SATL1: variants seen among roughly 807,000 people sequenced by gnomAD.
SATL1 encodes spermidine/spermine N1-acetyl transferase like 1, also known as spermidine/spermine N(1)-acetyltransferase-like protein 1.
Under a neutral mutation model 51.8 loss-of-function variants are expected in SATL1, and 47 were observed. That is an observed-to-expected ratio of 0.91 (90% CI 0.72 to 1.16). The LOEUF (loss-of-function observed/expected upper bound fraction) is 1.16, where lower values mean the gene tolerates loss of function less well. Ranked by LOEUF, SATL1 falls within the 50% of genes most tolerant of loss-of-function variation. The probability of loss-of-function intolerance (pLI) is 0.00; values close to 1 mark genes in which losing one functional copy is unlikely to be tolerated. For synonymous variants in SATL1, 176 were observed against 182.4 expected (o/e 0.97, Z 0.28); for missense variants, 520 against 526.4 (o/e 0.99, Z 0.12).
chrX:85,122,908 G>T (rs1332317487), intron 2 of SATL1, among the ~76,000 whole-genome samples: 1 of 111,707 alleles, frequency 9.0e-6, no homozygotes. Context: ...AGAACATGAG[G>T]TATTTGGTTT....
intron 2 of SATL1, among the ~76,000 whole-genome samples, chrX:85,223,776 A>G (rs1409136566): frequency 9.0e-6 from 1 of 111,691 alleles, no homozygotes; most frequent in Non-Finnish European, 1.9e-5. Context: ...TACAGGCAGG[A>G]GCTTTCCACA....
chrX:85,210,970 A>G (rs1434558607), intron 2 of SATL1: 1 of 111,166 alleles, frequency 9.0e-6, no homozygotes, highest in Admixed American at 9.6e-5. Context: ...CTTAACCTCT[A>G]TCTTACCCTT....
At chrX:85,126,627 A>AT (rs1430339503) in intron 2 of SATL1, among the ~76,000 whole-genome samples, 2 of 111,259 alleles carry the variant, frequency 1.8e-5, no homozygotes, top group African/African-American at 6.5e-5. Context: ...CCACTTTAGT[A>AT]TTTTTTGTAT....
At chrX:85,237,396 C>G (rs1041626696) in intron 1 of SATL1, among the ~76,000 whole-genome samples, 4 of 110,919 alleles carry the variant, frequency 3.6e-5, no homozygotes, top group African/African-American at 1.3e-4. Flanking sequence ...GAATGAATAT[C>G]CAGAAACAAA....
chrX:85,209,344 G>C (rs918219061), intron 2 of SATL1: 3 of 111,818 alleles, frequency 2.7e-5, no homozygotes, highest in Admixed American at 9.5e-5. Context: ...GCTTAGGATT[G>C]TCTTGGCAAT....
chrX:85,204,389 G>A (rs754639125), intron 2 of SATL1, among the ~76,000 whole-genome samples: 23 of 112,090 alleles, frequency 2.1e-4, no homozygotes, highest in Non-Finnish European at 4.1e-4. Flanking sequence ...CTTCTAGTCA[G>A]CCATCTTGGC....
At chrX:85,147,321 C>A (rs946830955) in intron 2 of SATL1, among the ~76,000 whole-genome samples, 2 of 112,363 alleles carry the variant, frequency 1.8e-5, no homozygotes, top group African/African-American at 6.5e-5. Context: ...AGCTGGGAAG[C>A]TCCAACTGGG....
chrX:85,152,859 C>T (rs1926490483), intron 2 of SATL1, among the ~76,000 whole-genome samples: 1 of 110,346 alleles, frequency 9.1e-6, no homozygotes, highest in Admixed American at 9.7e-5. Context: ...GGAGATATAG[C>T]TAATGCTAAA....
intron 1 of SATL1, among the ~76,000 whole-genome samples, chrX:85,235,769 T>C (rs1386697143): frequency 9.0e-6 from 1 of 110,763 alleles, no homozygotes; most frequent in Non-Finnish European, 1.9e-5. Context: ...TAATGATGCA[T>C]CTTAAAGAAC....
intron 2 of SATL1, among the ~76,000 whole-genome samples, chrX:85,150,001 C>T (rs748234097): frequency 1.8e-5 from 2 of 111,271 alleles, no homozygotes; most frequent in Non-Finnish European, 3.8e-5. Flanking sequence ...ACAAAAAACC[C>T]TTCAAAAAAT....
intron 2 of SATL1, among the ~76,000 whole-genome samples, chrX:85,132,914 A>G (rs2147708116): frequency 8.9e-6 from 1 of 111,826 alleles, no homozygotes; most frequent in East Asian, 2.8e-4. Flanking sequence ...CGGGTCCCTC[A>G]GCTGCAGGTC....
chrX:85,192,527 C>A (rs1227045970), intron 2 of SATL1, among the ~76,000 whole-genome samples: 1 of 110,737 alleles, frequency 9.0e-6, no homozygotes, highest in East Asian at 2.8e-4. Flanking sequence ...CCTCACTTTT[C>A]TTTGTCCCCT....
At chrX:85,165,003 C>T (rs7061822) in intron 2 of SATL1, among the ~76,000 whole-genome samples, 316 of 111,222 alleles carry the variant, frequency 2.8e-3, no homozygotes, top group African/African-American at 9.7e-3. Context: ...GGATTGAAGG[C>T]GTGAGCCACT....
intron 2 of SATL1, among the ~76,000 whole-genome samples, chrX:85,191,455 C>G (rs1445874956): frequency 4.5e-5 from 5 of 110,971 alleles, no homozygotes; most frequent in African/African-American, 1.6e-4. Context: ...ATCCTCTTTT[C>G]TAGCTACAGT....
chrX:85,166,568 A>G (rs1227931264), intron 2 of SATL1, among the ~76,000 whole-genome samples: 1 of 111,643 alleles, frequency 9.0e-6, no homozygotes, highest in East Asian at 2.8e-4. Flanking sequence ...AATCAAAACC[A>G]CAATGTGATA....
At chrX:85,139,958 C>T (rs1342303110) in intron 2 of SATL1, among the ~76,000 whole-genome samples, 3 of 111,582 alleles carry the variant, frequency 2.7e-5, no homozygotes, top group African/African-American at 9.8e-5. Flanking sequence ...AGAACCAGAA[C>T]ATTATTAGCA....
At chrX:85,190,704 G>A (rs1050198821) in intron 2 of SATL1, among the ~76,000 whole-genome samples, 1 of 111,026 alleles carries the variant, frequency 9.0e-6, no homozygotes, top group African/African-American at 3.3e-5. Flanking sequence ...ATTCTTATAA[G>A]GTAAACAAAA....
intron 2 of SATL1, among the ~76,000 whole-genome samples, chrX:85,112,534 T>A (rs926606388): frequency 9.0e-6 from 1 of 111,512 alleles, no homozygotes; most frequent in Non-Finnish European, 1.9e-5. Context: ...GCTGTCTACA[T>A]GCACAGTGGC....
At chrX:85,239,988 T>G (rs1928554938) in intron 1 of SATL1, among the ~76,000 whole-genome samples, 1 of 111,640 alleles carries the variant, frequency 9.0e-6, no homozygotes, top group African/African-American at 3.3e-5. Context: ...TTGAAAACAT[T>G]TTTTCTGCCC....
Sources: allele counts gnomAD v4.1 joint callset (sites outside exome capture counted in the v4.1 genomes callset), GRCh38; gene constraint gnomAD v4.1.1; transcripts MANE v1.5; gene names NCBI Gene and HGNC (gene_info 2026-07-23, HGNC 2026-07-21).